Variants in ADARB2 observed in about 807,000 individuals in gnomAD.
ADARB2 encodes inactive double-stranded RNA-specific editase B2.
Under a neutral mutation model 62.2 loss-of-function variants are expected in ADARB2, and 25 were observed. The ratio of observed to expected loss-of-function variants is 0.40; its 90% CI spans 0.29 to 0.56. ADARB2 has a LOEUF of 0.56. Ranked by LOEUF, ADARB2 falls within the 20% of genes least tolerant of loss-of-function variation. The pLI is 0.43. For missense variants in ADARB2, 1,071 were observed against 1,077.4 expected, an observed-to-expected ratio of 0.99 and a Z score of 0.08; for synonymous variants, 572 against 500.8, an observed-to-expected ratio of 1.14 and a Z score of -1.90.
At chr10:1,623,689 T>C (rs2132028268) in intron 1 of ADARB2, among the ~76,000 whole-genome samples, 1 of 152,342 alleles carries the variant, frequency 6.6e-6, no homozygotes, top group African/African-American at 2.4e-5. Flanking sequence ...CCCTGCCTTA[T>C]TGAAGACATT....
At chr10:1,508,347 T>C (rs1193483568) in intron 1 of ADARB2, among the ~76,000 whole-genome samples, 1 of 152,226 alleles carries the variant, frequency 6.6e-6, no homozygotes, top group Non-Finnish European at 1.5e-5. Context: ...TTGGCCAAGC[T>C]ATGTGTGAGC....
At chr10:1,573,293 G>A (rs1301367325) in intron 1 of ADARB2, among the ~76,000 whole-genome samples, 4 of 152,140 alleles carry the variant, frequency 2.6e-5, no homozygotes, top group South Asian at 2.1e-4. Flanking sequence ...GGCTGTCACC[G>A]GCACTCAACT....
chr10:1,462,259 T>A (rs1831184281), intron 1 of ADARB2, among the ~76,000 whole-genome samples: 1 of 152,176 alleles, frequency 6.6e-6, no homozygotes, highest in Non-Finnish European at 1.5e-5. Flanking sequence ...GAAGCCCTTA[T>A]GTCACCTGTG....
intron 4 of ADARB2, among the ~76,000 whole-genome samples, chr10:1,268,186 C>A (rs1472058987): frequency 6.6e-6 from 1 of 152,002 alleles, no homozygotes. Context: ...AACTGAAAAT[C>A]TAGAAATATA....
At chr10:1,447,724 T>C (rs193028292) in intron 1 of ADARB2, among the ~76,000 whole-genome samples, 6 of 152,284 alleles carry the variant, frequency 3.9e-5, no homozygotes, top group African/African-American at 1.2e-4. Context: ...ATCTCCATCC[T>C]CCTTTCACCT....
chr10:1,456,402 C>A (rs1831096395), intron 1 of ADARB2, among the ~76,000 whole-genome samples: 1 of 152,190 alleles, frequency 6.6e-6, no homozygotes, highest in African/African-American at 2.4e-5. Context: ...GTCTGCTCTT[C>A]CTACCAACCT....
At chr10:1,320,393 C>G (rs1047386721) in intron 3 of ADARB2, among the ~76,000 whole-genome samples, 1 of 152,162 alleles carries the variant, frequency 6.6e-6, no homozygotes. Flanking sequence ...TCTTTCAAAT[C>G]ACACCATGTA....
At position 1,363,172 on chromosome 10, in the gene ADARB2, G is replaced by A; in HGVS notation, c.933C>T (p.Ser311=). ...RRARSFVMAV[S]VDGRTFEGSG... is the part of the protein sequence containing the mutation. ...AGCCCTCGAACGTCCTGCCGTCCAC[G>A]CTCACGGCCATCACGAAGCTCCGCG... Residue 311 remains serine, a synonymous_variant, in exon 3 of 10, where the codon AGC becomes AGT. Transcript: ENST00000381312. 3 of 1,532,294 alleles carry A rather than the reference G, an allele frequency of 2.0e-6. No individual in the cohort carries two copies. The highest frequency in any genetic ancestry group is 1.9e-5 in the Admixed American group (1 of 52,484). The allele number at this position is 1,532,294 out of a possible 1,614,324, so 94.9% of individuals were successfully genotyped here. A position where few individuals can be genotyped will look rare whatever the true frequency, so the allele number is the denominator to read the frequency against.
At chr10:1,530,598 C>T (rs964488904) in intron 1 of ADARB2, among the ~76,000 whole-genome samples, 4 of 152,176 alleles carry the variant, frequency 2.6e-5, no homozygotes, top group Admixed American at 2.6e-4. Flanking sequence ...GCCTCGTCCG[C>T]CCCTGCGCCC....
chr10:1,346,027 C>T (rs905049635), intron 3 of ADARB2, among the ~76,000 whole-genome samples: 2 of 152,102 alleles, frequency 1.3e-5, no homozygotes, highest in African/African-American at 4.8e-5. Flanking sequence ...GTATTATCAT[C>T]ATGATCAGAA....
chr10:1,662,805 T>C (rs1343661798), intron 1 of ADARB2, among the ~76,000 whole-genome samples: 2 of 152,118 alleles, frequency 1.3e-5, no homozygotes, highest in Non-Finnish European at 2.9e-5. Context: ...GGGCAGGAAG[T>C]TGGGGCGACG....
At chr10:1,498,407 T>TA (rs1057146184) in intron 1 of ADARB2, among the ~76,000 whole-genome samples, 134 of 151,494 alleles carry the variant, frequency 8.8e-4, no homozygotes, top group African/African-American at 3.1e-3. Flanking sequence ...AATAAATAAA[T>TA]AAGTAATTTT....
intron 2 of ADARB2, among the ~76,000 whole-genome samples, chr10:1,375,795 C>T (rs374364760): frequency 4.4e-5 from 6 of 135,116 alleles, no homozygotes; most frequent in South Asian, 4.8e-4. Context: ...CATGCACACA[C>T]GCACACACAC....
At chr10:1,463,551 T>A (rs1431318643) in intron 1 of ADARB2, among the ~76,000 whole-genome samples, 2 of 152,208 alleles carry the variant, frequency 1.3e-5, no homozygotes, top group African/African-American at 4.8e-5. Flanking sequence ...ATAAATAAAA[T>A]ACCTTCATTT....
chr10:1,652,977 C>T (rs1014780458), intron 1 of ADARB2, among the ~76,000 whole-genome samples: 1 of 152,186 alleles, frequency 6.6e-6, no homozygotes, highest in Non-Finnish European at 1.5e-5. Flanking sequence ...GATGCCAAGC[C>T]CCTCAGACGA....
intron 1 of ADARB2, among the ~76,000 whole-genome samples, chr10:1,462,309 A>G (rs549793382): frequency 6.6e-6 from 1 of 152,314 alleles, no homozygotes; most frequent in South Asian, 2.1e-4. Context: ...CAAGCCCTTT[A>G]GTGAAAGAGA....
intron 7 of ADARB2, among the ~76,000 whole-genome samples, chr10:1,209,602 T>C (rs1345715219): frequency 7.0e-6 from 1 of 143,346 alleles, no homozygotes; most frequent in African/African-American, 2.6e-5. Flanking sequence ...CCCACACCCA[T>C]GACCACGCCT....
chr10:1,282,512 G>A (rs578154764), intron 3 of ADARB2, among the ~76,000 whole-genome samples: 1 of 152,334 alleles, frequency 6.6e-6, no homozygotes, highest in Non-Finnish European at 1.5e-5. Flanking sequence ...TAGGGTGTTA[G>A]AAGCTAGACA....
chr10:1,517,914 A>G lies in ADARB2; in HGVS notation c.101-138754T>C, dbSNP rs777410184. Among the ~76,000 whole-genome samples the G allele has an allele frequency of 1.1e-3, 173 of 152,290 alleles. 4 individuals carry two copies. Among genetic ancestry groups the G allele is most frequent in the Admixed American group, 1.4e-3 (21 of 15,288 alleles). Reference sequence around the variant, plus strand: ...AGCCTTTCCCCGCAGCTCAGCCCCAAAGCACGGGACAGAGCCTTTGCATGG... The same window carrying G: ...AGCCTTTCCCCGCAGCTCAGCCCCAGAGCACGGGACAGAGCCTTTGCATGG... On this transcript the variant is annotated intron_variant, in intron 1 of 9. Coordinates refer to ENST00000381312, the MANE Select transcript of ADARB2 (RefSeq NM_018702.4).
Sources: allele counts gnomAD v4.1 joint callset (sites outside exome capture counted in the v4.1 genomes callset), GRCh38; gene constraint gnomAD v4.1.1; transcripts MANE v1.5; gene names NCBI Gene and HGNC (gene_info 2026-07-23, HGNC 2026-07-21).